MEIKIN: variants seen among roughly 807,000 people sequenced by gnomAD.
MEIKIN encodes the protein meiotic kinetochore factor, also known as meiosis-specific kinetochore protein.
chr5:131,862,360 T>C (rs1020221725), intron 9 of MEIKIN, among the ~76,000 whole-genome samples: 1 of 152,060 alleles, frequency 6.6e-6, no homozygotes, highest in Non-Finnish European at 1.5e-5. Context: ...ATCTAGCTAG[T>C]GGTTTATTAA....
chr5:131,811,051 G>A (rs1258213136), intron 12 of MEIKIN, among the ~76,000 whole-genome samples: 1 of 152,168 alleles, frequency 6.6e-6, no homozygotes, highest in East Asian at 1.9e-4. Flanking sequence ...AGGTTGAAAG[G>A]GAAACAGGAG....
chr5:131,932,845 C>T (rs1361376289), intron 5 of MEIKIN, among the ~76,000 whole-genome samples: 1 of 152,136 alleles, frequency 6.6e-6, no homozygotes. Flanking sequence ...AAATTATGAG[C>T]TTTTCTGTGA....
intron 8 of MEIKIN, among the ~76,000 whole-genome samples, 187 bp downstream of exon 8, chr5:131,911,628 G>A (rs1384474192): frequency 1.3e-5 from 2 of 151,624 alleles, no homozygotes; most frequent in East Asian, 3.9e-4. Flanking sequence ...TGTGGGGATA[G>A]CTAAGACCCA....
chr5:131,903,398 A>C (rs1004926668), intron 8 of MEIKIN, among the ~76,000 whole-genome samples: 5 of 152,210 alleles, frequency 3.3e-5, no homozygotes, highest in Admixed American at 3.3e-4. Flanking sequence ...AGTCAGCTAG[A>C]GTGAAGGGGC....
intron 8 of MEIKIN, among the ~76,000 whole-genome samples, chr5:131,892,021 T>C (rs1489536260): frequency 6.6e-6 from 1 of 152,104 alleles, no homozygotes; most frequent in East Asian, 1.9e-4. Context: ...AATTCTTTTG[T>C]TTAAGAATGT....
At chr5:131,888,935 C>T (rs141689764) in intron 8 of MEIKIN, among the ~76,000 whole-genome samples, 1 of 152,016 alleles carries the variant, frequency 6.6e-6, no homozygotes, top group Non-Finnish European at 1.5e-5. Context: ...ATATGGCTAG[C>T]CAGTTTTCCC....
intron 11 of MEIKIN, among the ~76,000 whole-genome samples, chr5:131,823,669 T>C (rs1197513853): frequency 6.6e-6 from 1 of 152,196 alleles, no homozygotes; most frequent in Non-Finnish European, 1.5e-5. Context: ...CATATATCTC[T>C]GTTCTCCAGG....
chr5:131,821,700 C>A (rs1749510042), intron 11 of MEIKIN, among the ~76,000 whole-genome samples: 1 of 128,336 alleles, frequency 7.8e-6, no homozygotes, highest in Non-Finnish European at 1.5e-5. Context: ...GGGTGGAATG[C>A]AGTGGTCCAA....
intron 8 of MEIKIN, among the ~76,000 whole-genome samples, chr5:131,908,736 T>C (rs1340449445): frequency 6.6e-6 from 1 of 152,146 alleles, no homozygotes; most frequent in Non-Finnish European, 1.5e-5. Context: ...CAAAGTTACT[T>C]GATACAAAAT....
chr5:131,930,395 T>C (rs970791895), intron 5 of MEIKIN, among the ~76,000 whole-genome samples: 4 of 152,246 alleles, frequency 2.6e-5, no homozygotes, highest in African/African-American at 7.2e-5. Flanking sequence ...TAGATCTTTG[T>C]TGGATGCATA....
intron 9 of MEIKIN, among the ~76,000 whole-genome samples, chr5:131,872,579 A>G (rs1455432734): frequency 2.0e-5 from 3 of 152,340 alleles, no homozygotes; most frequent in South Asian, 2.1e-4. Flanking sequence ...ACTCTGCAGG[A>G]TATTATCCAG....
chr5:131,863,283 G>C (rs1363254629), intron 9 of MEIKIN, among the ~76,000 whole-genome samples: 1 of 152,132 alleles, frequency 6.6e-6, no homozygotes, highest in East Asian at 1.9e-4. Context: ...TTGGCTAAAA[G>C]GTTCTGTATA....
chr5:131,916,704 G>A (rs1367726079), intron 7 of MEIKIN, among the ~76,000 whole-genome samples, 182 bp downstream of exon 7: 2 of 152,132 alleles, frequency 1.3e-5, no homozygotes, highest in African/African-American at 2.4e-5. Flanking sequence ...CAGAGATTTC[G>A]TTTTTAATCA....
chr5:131,808,867 G>A (rs996273720), intron 12 of MEIKIN, among the ~76,000 whole-genome samples: 2 of 152,086 alleles, frequency 1.3e-5, no homozygotes, highest in African/African-American at 4.8e-5. Context: ...CTTGAGCCCA[G>A]GAGTACGAGA....
intron 11 of MEIKIN, among the ~76,000 whole-genome samples, chr5:131,850,308 T>A (rs1170693079): frequency 1.3e-5 from 2 of 152,138 alleles, no homozygotes; most frequent in Non-Finnish European, 1.5e-5. Context: ...CCCAATGATG[T>A]TTATTGCAGA....
intron 9 of MEIKIN, among the ~76,000 whole-genome samples, chr5:131,878,727 T>A (rs1014023215): frequency 4.0e-5 from 6 of 151,884 alleles, no homozygotes; most frequent in Non-Finnish European, 7.4e-5. Context: ...AAAAATTAGC[T>A]TGGCGTGGTA....
intron 9 of MEIKIN, among the ~76,000 whole-genome samples, chr5:131,870,671 A>T (rs912060676): frequency 2.6e-5 from 4 of 152,166 alleles, no homozygotes; most frequent in Admixed American, 1.3e-4. Context: ...GAAACCCAGA[A>T]GTCTTTCTTA....
intron 11 of MEIKIN, among the ~76,000 whole-genome samples, chr5:131,822,163 G>A (rs1749520102): frequency 6.6e-6 from 1 of 151,854 alleles, no homozygotes; most frequent in African/African-American, 2.4e-5. Flanking sequence ...TTTTCATTTT[G>A]TGTGTATCTT....
intron 9 of MEIKIN, among the ~76,000 whole-genome samples, chr5:131,875,398 C>T (rs1015945041): frequency 1.3e-5 from 2 of 152,066 alleles, no homozygotes; most frequent in African/African-American, 4.8e-5. Flanking sequence ...TTCACAATGG[C>T]TTCAAAGAGA....
Sources: allele counts gnomAD v4.1 joint callset (sites outside exome capture counted in the v4.1 genomes callset), GRCh38; gene constraint gnomAD v4.1.1; transcripts MANE v1.5; gene names NCBI Gene and HGNC (gene_info 2026-07-23, HGNC 2026-07-21).